KIAA0825: variants seen among roughly 807,000 people sequenced by gnomAD.
The protein encoded by KIAA0825 is KIAA0825.
In KIAA0825, 119 loss-of-function variants were observed where a neutral mutation model predicts 147.6. The observed-to-expected ratio is 0.81, with a 90% CI of 0.69 to 0.94. The LOEUF is 0.94. KIAA0825 is among the 40% of genes least tolerant of loss of function. The pLI is 0.00. For synonymous variants in KIAA0825, 470 were observed against 518.1 expected, an observed-to-expected ratio of 0.91 and a Z score of 1.26; for missense variants, 1,381 against 1,472.7, an observed-to-expected ratio of 0.94 and a Z score of 1.02.
At chr5:94,599,154 T>C (rs1785862067) in intron 1 of KIAA0825, among the ~76,000 whole-genome samples, 1 of 152,106 alleles carries the variant, frequency 6.6e-6, no homozygotes, top group Non-Finnish European at 1.5e-5. Flanking sequence ...TTTTTGTCTT[T>C]TTAATAATAG....
chr5:94,574,143 G>A (rs1459703377), intron 2 of KIAA0825, among the ~76,000 whole-genome samples: 1 of 152,118 alleles, frequency 6.6e-6, no homozygotes, highest in Non-Finnish European at 1.5e-5. Flanking sequence ...GGGAGCCAGT[G>A]ATCTTCCAAT....
At chr5:94,309,593 G>A (rs1778981326) in intron 20 of KIAA0825, among the ~76,000 whole-genome samples, 1 of 151,716 alleles carries the variant, frequency 6.6e-6, no homozygotes, top group Non-Finnish European at 1.5e-5. Flanking sequence ...CTCTACGGAG[G>A]CACTCAGCAT....
intron 3 of KIAA0825, among the ~76,000 whole-genome samples, chr5:94,535,975 G>A (rs1235531803): frequency 1.3e-5 from 2 of 152,120 alleles, no homozygotes; most frequent in Non-Finnish European, 2.9e-5. Flanking sequence ...AAAGGGGTGG[G>A]ATTCCCTTCC....
rs572278736 is a variant in KIAA0825 at position 94,562,312 on chromosome 5, A to C, written c.-2+20121T>G. ...ATCTATTTTAAAAACAATCAATAAAAGTAAATTTTGGATTTCTTCAAATTA... is the reference window on the plus strand; with the variant it reads ...ATCTATTTTAAAAACAATCAATAAACGTAAATTTTGGATTTCTTCAAATTA... On this transcript the variant is annotated intron_variant, in intron 2 of 20. Transcript: ENST00000682413. Among the ~76,000 whole-genome samples the C allele has an allele frequency of 4.6e-5, 7 of 152,368 alleles. No individual in the cohort carries two copies. The South Asian group carries it at 1.4e-3, about 32-fold the overall frequency.
intron 15 of KIAA0825, among the ~76,000 whole-genome samples, chr5:94,410,671 C>A (rs532449167): frequency 6.6e-6 from 1 of 152,054 alleles, no homozygotes; most frequent in South Asian, 2.1e-4. Context: ...TAATGCAAGC[C>A]AGAAGATAAT....
chr5:94,496,997 G>A (rs1467777919), intron 5 of KIAA0825, among the ~76,000 whole-genome samples: 1 of 152,066 alleles, frequency 6.6e-6, no homozygotes, highest in African/African-American at 2.4e-5. Flanking sequence ...TCTTGAACGT[G>A]GCGCCTTCCC....
At chr5:94,317,318 C>A (rs1199923701) in intron 20 of KIAA0825, among the ~76,000 whole-genome samples, 1 of 151,800 alleles carries the variant, frequency 6.6e-6, no homozygotes, top group African/African-American at 2.4e-5. Context: ...AAAAGAAAGC[C>A]CTGCCTTTCA....
intron 20 of KIAA0825, among the ~76,000 whole-genome samples, chr5:94,227,305 C>T (rs973097257): frequency 1.3e-5 from 2 of 151,854 alleles, no homozygotes; most frequent in African/African-American, 4.8e-5. Flanking sequence ...GAACAAAAAA[C>T]CAAACACCGC....
chr5:94,183,600 C>A (rs1394733489), intron 20 of KIAA0825, among the ~76,000 whole-genome samples: 1 of 152,116 alleles, frequency 6.6e-6, no homozygotes, highest in East Asian at 1.9e-4. Context: ...GAGAAAAGGG[C>A]TGGAAATTGA....
intron 2 of KIAA0825, among the ~76,000 whole-genome samples, chr5:94,545,478 G>T (rs1774169435): frequency 1.3e-5 from 2 of 152,158 alleles, no homozygotes; most frequent in Non-Finnish European, 2.9e-5. Context: ...AGAGGAGAGT[G>T]AAGAGTAAAG....
At chr5:94,205,293 A>ATATATATATATATATATATG (rs1772071057) in intron 20 of KIAA0825, among the ~76,000 whole-genome samples, 1 of 141,604 alleles carries the variant, frequency 7.1e-6, no homozygotes, top group Non-Finnish European at 1.5e-5. Context: ...ATATATATAT[A>ATATATATATATATATATATG]TATATATTTT....
At chr5:94,513,513 A>G (rs1226282130) in intron 5 of KIAA0825, among the ~76,000 whole-genome samples, 1 of 152,196 alleles carries the variant, frequency 6.6e-6, no homozygotes, top group Non-Finnish European at 1.5e-5. Flanking sequence ...TTCTTCCTAT[A>G]TGGAAGAAAA....
intron 4 of KIAA0825, among the ~76,000 whole-genome samples, chr5:94,521,422 T>C (rs896798160): frequency 1.1e-4 from 17 of 151,912 alleles, no homozygotes; most frequent in African/African-American, 2.9e-4. Flanking sequence ...TCTTTAAATA[T>C]AGTATGTGCC....
chr5:94,520,418 G>T lies in KIAA0825; in HGVS notation c.800C>A (p.Ala267Asp), dbSNP rs762923929. The T allele has an allele frequency of 1.9e-6, 3 of 1,612,638 alleles. No individual in the cohort carries two copies. In the South Asian group the frequency reaches 3.3e-5, roughly 18 times the overall value. Residue 267 changes from alanine to aspartate, a missense_variant, in exon 5 of 21, where the codon GCT becomes GAT. By Grantham distance (126) the Ala-to-Asp change is moderately radical. Coordinates refer to ENST00000682413, the MANE Select transcript of KIAA0825 (RefSeq NM_001145678.3). ...AATGAATTTCACCATTGAAGATGGA[G>T]CTAAAATTTCACATAGTGTGTTAAA... is the stretch of plus-strand genomic sequence containing the variant. ...EDFNTLCEIL[A>D]PSSMVKFIKE...
At chr5:94,470,820 G>A (rs939058543) in intron 9 of KIAA0825, among the ~76,000 whole-genome samples, 2 of 152,026 alleles carry the variant, frequency 1.3e-5, no homozygotes, top group African/African-American at 4.8e-5. Flanking sequence ...GGGTCACACA[G>A]GACTGCTAAG....
chr5:94,346,878 C>CT lies in KIAA0825; in HGVS notation c.3710+37489dup, dbSNP rs1406262669. ...CCACAGGTGGGGGACGAACCAAGCC[C>CT]TTTTTTTTCCACAACTTGGAGGCAG... is the stretch of plus-strand genomic sequence containing the variant. On this transcript the variant is annotated intron_variant, in intron 20 of 20. Transcript: ENST00000682413. 9.1e-4 allele frequency among the ~76,000 whole-genome samples: 139 copies of CT among 152,126 alleles called. 1 individual carries two copies. Among genetic ancestry groups the CT allele is most frequent in the African/African-American group, 3.1e-3 (127 of 41,498 alleles).
chr5:94,292,091 C>T (rs1008319625), intron 20 of KIAA0825, among the ~76,000 whole-genome samples: 1 of 152,134 alleles, frequency 6.6e-6, no homozygotes, highest in African/African-American at 2.4e-5. Flanking sequence ...TATTTGAATA[C>T]CCATTATTTC....
chr5:94,178,848 AAT>A (rs1446334003), intron 20 of KIAA0825, among the ~76,000 whole-genome samples: 1 of 152,152 alleles, frequency 6.6e-6, no homozygotes, highest in South Asian at 2.1e-4. Flanking sequence ...TTCACATAAA[AAT>A]ATGTGAATGT....
chr5:94,210,209 G>A (rs1772574258), intron 20 of KIAA0825, among the ~76,000 whole-genome samples: 1 of 152,230 alleles, frequency 6.6e-6, no homozygotes, highest in Admixed American at 6.5e-5. Context: ...GCTGTTTTGC[G>A]CCAGTGATTA....
Sources: allele counts gnomAD v4.1 joint callset (sites outside exome capture counted in the v4.1 genomes callset), GRCh38; gene constraint gnomAD v4.1.1; transcripts MANE v1.5; gene names NCBI Gene and HGNC (gene_info 2026-07-23, HGNC 2026-07-21).